The following TECRL variants were observed in gnomAD, a reference collection of about 807,000 sequenced individuals.
TECRL encodes trans-2,3-enoyl-CoA reductase like.
Under a neutral mutation model 52.8 loss-of-function variants are expected in TECRL, and 63 were observed. The ratio of observed to expected loss-of-function variants is 1.19; its 90% CI spans 0.97 to 1.47. The LOEUF (loss-of-function observed/expected upper bound fraction) is 1.47. Among genes scored for constraint, TECRL ranks in the 40% most tolerant of loss-of-function variants. TECRL has a pLI of 0.00. For synonymous variants in TECRL, 164 were observed against 141.9 expected, an observed-to-expected ratio of 1.16 and a Z score of -1.10; for missense variants, 482 against 429.6, an observed-to-expected ratio of 1.12 and a Z score of -1.08.
At chr4:64,293,700 C>T (rs1723520851) in intron 8 of TECRL, among the ~76,000 whole-genome samples, 1 of 151,830 alleles carries the variant, frequency 6.6e-6, no homozygotes, top group African/African-American at 2.4e-5. Flanking sequence ...TGATCATTCT[C>T]TTCCTTAAAG....
At chr4:64,365,005 G>A (rs1236786667) in intron 2 of TECRL, among the ~76,000 whole-genome samples, 4 of 151,640 alleles carry the variant, frequency 2.6e-5, no homozygotes, top group African/African-American at 7.3e-5. Context: ...CAAAATTGTC[G>A]ACAAAACAGT....
At chr4:64,332,015 C>G (rs28368506) in intron 2 of TECRL, among the ~76,000 whole-genome samples, 29,132 of 152,050 alleles carry the variant, frequency 0.19, 3,429 homozygotes, top group Admixed American at 0.34. Context: ...AATATTTTAT[C>G]AAAATCTCCA....
intron 2 of TECRL, among the ~76,000 whole-genome samples, chr4:64,364,692 G>T (rs1721472169): frequency 6.6e-6 from 1 of 151,744 alleles, no homozygotes; most frequent in South Asian, 2.1e-4. Flanking sequence ...AGCCTCCCCA[G>T]ATTGAAATTG....
chr4:64,354,814 G>C (rs868838007), intron 2 of TECRL, among the ~76,000 whole-genome samples: 33 of 152,196 alleles, frequency 2.2e-4, no homozygotes, highest in African/African-American at 8.0e-4. Context: ...GAAACCAGGA[G>C]TCCTGGAGCC....
chr4:64,297,876 T>A (rs1723775957), intron 8 of TECRL, among the ~76,000 whole-genome samples: 1 of 151,154 alleles, frequency 6.6e-6, no homozygotes. Flanking sequence ...TTGTGAAAGT[T>A]AAATATGTCT....
rs766522427 is a variant in TECRL at position 64,305,187 on chromosome 4, G to T, written c.709C>A (p.His237Asn). 1.2e-6 allele frequency: 2 copies of T among 1,612,644 alleles called. No homozygotes were observed. The highest frequency in any genetic ancestry group is 1.3e-5 in the African/African-American group (1 of 74,944). Residue 237 changes from histidine to asparagine, a missense_variant, in exon 7 of 12, where the codon CAT becomes AAT. His to Asn is a moderately conservative substitution (Grantham distance 68). Transcript: ENST00000381210. Reference protein sequence around the residue: ...FTSWIAYYINHPLYTPPSFGN... With the variant: ...FTSWIAYYINNPLYTPPSFGN... ...ATACATGGTGGTGTATATAGTGGAT[G>T]ATTAATGTAGTAGGCAATCCAAGAA...
At chr4:64,374,052 C>CATATATATATATAT (rs77300773) in intron 2 of TECRL, among the ~76,000 whole-genome samples, 43 of 105,960 alleles carry the variant, frequency 4.1e-4, no homozygotes, top group African/African-American at 1.4e-3. Flanking sequence ...ATAGTAGATA[C>CATATATATATATAT]ATATATATAT....
At chr4:64,380,415 T>C (rs1241898910) in intron 1 of TECRL, among the ~76,000 whole-genome samples, 1 of 152,094 alleles carries the variant, frequency 6.6e-6, no homozygotes, top group Non-Finnish European at 1.5e-5. Flanking sequence ...TTTTAATATG[T>C]TCCCATTTGT....
At chr4:64,324,860 T>A (rs999109048) in intron 3 of TECRL, among the ~76,000 whole-genome samples, 1 of 152,192 alleles carries the variant, frequency 6.6e-6, no homozygotes, top group Non-Finnish European at 1.5e-5. Flanking sequence ...ACATGTGTGG[T>A]AGGCAGATTT....
chr4:64,374,871 T>C (rs1023641327), intron 2 of TECRL, among the ~76,000 whole-genome samples: 5 of 152,136 alleles, frequency 3.3e-5, no homozygotes, highest in African/African-American at 7.2e-5. Flanking sequence ...ACAATAAACA[T>C]ACATGTGCAT....
In TECRL at chr4:64,281,070, C is replaced by A. The variant is rs754426318; in HGVS notation, c.935G>T (p.Ser312Ile). The change falls in exon 11 of 12, where the codon AGT becomes ATT. Residue 312 changes from serine (S) to isoleucine (I), a missense_variant. Transcript: ENST00000381210. ...NYTYEIGSWI[S>I]FTVMTQTLPV... ...CAGTGTTTGTGTCATGACTGTGAAACTAATCCATGATCCAATCTGTTATAT... is the reference window on the plus strand; with the variant it reads ...CAGTGTTTGTGTCATGACTGTGAAAATAATCCATGATCCAATCTGTTATAT... The A allele has an allele frequency of 8.7e-6, 14 of 1,601,974 alleles. No homozygotes were observed. The highest frequency in any genetic ancestry group is 1.3e-5 in the African/African-American group (1 of 74,654).
At chr4:64,403,802 G>A (rs1413974511) in intron 1 of TECRL, among the ~76,000 whole-genome samples, 1 of 150,874 alleles carries the variant, frequency 6.6e-6, no homozygotes, top group African/African-American at 2.4e-5. Flanking sequence ...AGGAGGAAAA[G>A]GGGGGCAGGA....
rs777171822 is a variant in TECRL at position 64,345,907 on chromosome 4, CAAAAAAAAAA to C, written c.287-17361_287-17352del. ...CCAACACTGATGGGTGCCTCAACAG[CAAAAAAAAAA>C]AAAAAAAAAAAAAACATTTATCATA... On this transcript the variant is annotated intron_variant, in intron 2 of 11. Coordinates refer to ENST00000381210, the MANE Select transcript of TECRL (RefSeq NM_001010874.5). 5.1e-4 allele frequency among the ~76,000 whole-genome samples: 12 copies of C among 23,348 alleles called. No individual in the cohort carries two copies. The Admixed American group carries it at 5.4e-3, about 10-fold the overall frequency. 15.3% of individuals were successfully genotyped at this position (23,348 alleles called of 152,430 possible).
chr4:64,399,164 C>G (rs1395832979), intron 1 of TECRL, among the ~76,000 whole-genome samples: 2 of 152,028 alleles, frequency 1.3e-5, no homozygotes, highest in Admixed American at 6.6e-5. Context: ...CCCAACCAGA[C>G]AAACAGAAAC....
intron 5 of TECRL, 57 bp from the exon 6 acceptor site, chr4:64,309,988 C>G (rs1724575762): frequency 9.1e-7 from 1 of 1,102,508 alleles, no homozygotes; most frequent in Non-Finnish European, 1.3e-6. Flanking sequence ...TGGCTTGCCT[C>G]ATGCATGATA....
chr4:64,353,417 T>C (rs1342554266), intron 2 of TECRL, among the ~76,000 whole-genome samples: 1 of 152,126 alleles, frequency 6.6e-6, no homozygotes, highest in Admixed American at 6.5e-5. Context: ...TTAAAAGGTA[T>C]AAAGACTTGA....
chr4:64,398,600 C>T (rs928882726), intron 1 of TECRL, among the ~76,000 whole-genome samples: 1 of 152,132 alleles, frequency 6.6e-6, no homozygotes, highest in African/African-American at 2.4e-5. Flanking sequence ...TCCTGTACGG[C>T]CCACAGAACT....
intron 8 of TECRL, among the ~76,000 whole-genome samples, chr4:64,296,320 G>T (rs144215754): frequency 1.3e-5 from 2 of 151,762 alleles, no homozygotes; most frequent in Non-Finnish European, 3.0e-5. Context: ...TGTACCCGAG[G>T]TTCTTTTCAG....
intron 3 of TECRL, among the ~76,000 whole-genome samples, chr4:64,323,966 G>A (rs1718080020): frequency 6.6e-6 from 1 of 152,052 alleles, no homozygotes; most frequent in Non-Finnish European, 1.5e-5. Flanking sequence ...GTAGATATTT[G>A]AAAGTCATTA....
Sources: allele counts gnomAD v4.1 joint callset (sites outside exome capture counted in the v4.1 genomes callset), GRCh38; gene constraint gnomAD v4.1.1; transcripts MANE v1.5; gene names NCBI Gene and HGNC (gene_info 2026-07-23, HGNC 2026-07-21).